The following TRIM67 variants were observed in gnomAD, a reference collection of about 807,000 sequenced individuals.
TRIM67 encodes the protein tripartite motif-containing protein 67.
Under a neutral mutation model 71.0 loss-of-function variants are expected in TRIM67, and 39 were observed. The ratio of observed to expected loss-of-function variants is 0.55; its 90% CI spans 0.43 to 0.72. The LOEUF is 0.72. Among genes scored for constraint, TRIM67 ranks in the 30% least tolerant of loss-of-function variants. The probability of loss-of-function intolerance (pLI) is 0.00; values close to 1 mark genes in which losing one functional copy is unlikely to be tolerated. For missense variants in TRIM67, 973 were observed against 1,079.2 expected (o/e 0.90, Z 1.38); for synonymous variants, 481 against 473.9 (o/e 1.01, Z -0.19).
intron 1 of TRIM67, among the ~76,000 whole-genome samples, chr1:231,168,438 A>T (rs1682537898): frequency 1.3e-5 from 2 of 152,356 alleles, no homozygotes; most frequent in South Asian, 4.1e-4. Context: ...TCCTCAGGTT[A>T]CATTTCTAGA....
Position 231,208,996 on chromosome 1 carries a change from A to G in TRIM67, c.1869A>G (p.Leu623=). ...ACTCTGGGCATCGGGACATCATTTTATCCAATGACAACCAGACAGCCACCT... is the reference window on the plus strand; with the variant it reads ...ACTCTGGGCATCGGGACATCATTTTGTCCAATGACAACCAGACAGCCACCT... ...DPNSGHRDII[L]SNDNQTATCS... is the part of the protein sequence containing the mutation. Residue 623 remains leucine (L), a synonymous_variant, in exon 8 of 10, where the codon TTA becomes TTG. Transcript: ENST00000366653. 6.2e-7 allele frequency: 1 copy of G among 1,610,330 alleles called. No individual in the cohort carries two copies. The highest frequency in any genetic ancestry group is 2.2e-5 in the East Asian group (1 of 44,752).
At chr1:231,182,967 G>A (rs1376831188) in intron 1 of TRIM67, among the ~76,000 whole-genome samples, 2 of 152,152 alleles carry the variant, frequency 1.3e-5, no homozygotes, top group Non-Finnish European at 2.9e-5. Context: ...AAATTTGGTT[G>A]GTGGCTCTGA....
intron 1 of TRIM67, among the ~76,000 whole-genome samples, chr1:231,171,656 A>C (rs1002017234): frequency 6.6e-6 from 1 of 152,188 alleles, no homozygotes. Flanking sequence ...TCTTGATGTG[A>C]AACTGAGGGT....
intron 5 of TRIM67, among the ~76,000 whole-genome samples, chr1:231,203,180 C>T (rs894757055): frequency 1.3e-5 from 2 of 152,180 alleles, no homozygotes; most frequent in African/African-American, 2.4e-5. Flanking sequence ...TGGACTCTAT[C>T]GATTTCTAAA....
chr1:231,215,841 CT>C lies in TRIM67; in HGVS notation c.*402del. 9.9e-7 allele frequency: 1 copy of C among 1,011,164 alleles called. No homozygotes were observed. The highest frequency in any genetic ancestry group is 4.6e-5 in the South Asian group (1 of 21,666). The allele number at this position is 1,011,164 out of a possible 1,614,324, so 62.6% of individuals were successfully genotyped here. A position where few individuals can be genotyped will look rare whatever the true frequency, so the allele number is the denominator to read the frequency against. On this transcript the variant is annotated 3_prime_UTR_variant, in exon 10 of 10. Transcript: ENST00000366653. ...GCCTCCTGAGAGCGGCAGTCAGGAG[CT>C]GCGCTGTAATCCCACGCCCCGGGTG...
At position 231,213,881 on chromosome 1, in the gene TRIM67, C is replaced by A; in HGVS notation, c.2190C>A (p.Leu730=). The A allele has an allele frequency of 6.8e-6, 11 of 1,613,796 alleles. No homozygotes were observed. Among genetic ancestry groups the A allele is most frequent in the Non-Finnish European group, 9.3e-6 (11 of 1,179,768 alleles). The change falls in exon 9 of 10, where the codon CTC becomes CTA. Residue 730 remains leucine, a synonymous_variant. Coordinates refer to ENST00000366653, the MANE Select transcript of TRIM67 (RefSeq NM_001004342.5). ...TGCTGGACCTGAATAAGCACACTCT[C>A]ACCTTCTTCATCAACGGGCAGCAGC... is the stretch of plus-strand genomic sequence containing the variant. The part of the protein sequence containing the change: ...GVLLDLNKHT[L]TFFINGQQQG...
intron 1 of TRIM67, among the ~76,000 whole-genome samples, chr1:231,165,249 T>G (rs1682421421): frequency 6.6e-6 from 1 of 152,196 alleles, no homozygotes; most frequent in African/African-American, 2.4e-5. Flanking sequence ...ATGTCAACAG[T>G]GCTCTGGAGA....
At chr1:231,174,152 CTTTTTTT>C (rs35651112) in intron 1 of TRIM67, among the ~76,000 whole-genome samples, 2 of 127,354 alleles carry the variant, frequency 1.6e-5, no homozygotes, top group African/African-American at 2.9e-5. Context: ...GTCTTATTTT[CTTTTTTT>C]TTTTTTTTTT....
chr1:231,212,807 C>G (rs1002734088), intron 8 of TRIM67, among the ~76,000 whole-genome samples: 5 of 152,162 alleles, frequency 3.3e-5, no homozygotes, highest in Admixed American at 6.5e-5. Context: ...CCCTTGGGAG[C>G]ATGTTCCTTA....
intron 2 of TRIM67, 62 bp from the exon 3 acceptor site, chr1:231,198,985 A>T (rs1373109509): frequency 6.2e-7 from 1 of 1,610,240 alleles, no homozygotes; most frequent in Non-Finnish European, 8.5e-7. Flanking sequence ...CACTCACCAG[A>T]TTTTAGCATC....
rs1558311714 is a variant in TRIM67, at chr1:231,218,792, G to C, written c.*3352G>C. 2.0e-6 allele frequency: 2 copies of C among 985,448 alleles called. No individual in the cohort carries two copies. The highest frequency in any genetic ancestry group is 4.7e-5 in the South Asian group (1 of 21,292). The allele number at this position is 985,448 out of a possible 1,614,324, so 61.0% of individuals were successfully genotyped here. On this transcript the variant is annotated 3_prime_UTR_variant, in exon 10 of 10. Coordinates refer to ENST00000366653, the MANE Select transcript of TRIM67 (RefSeq NM_001004342.5). Reference sequence around the variant, plus strand: ...AGTTTGAGGAGGGTGGTGCTTTCCGGATTGAGCCTGGGCAGGCTCTGTGGA... The same window carrying C: ...AGTTTGAGGAGGGTGGTGCTTTCCGCATTGAGCCTGGGCAGGCTCTGTGGA...
intron 1 of TRIM67, among the ~76,000 whole-genome samples, chr1:231,169,094 A>G (rs1682555043): frequency 6.6e-6 from 1 of 152,072 alleles, no homozygotes; most frequent in Non-Finnish European, 1.5e-5. Context: ...GTCTTGCTCT[A>G]TTACCCAGGG....
At chr1:231,212,741 G>C (rs1683907720) in intron 8 of TRIM67, among the ~76,000 whole-genome samples, 1 of 152,130 alleles carries the variant, frequency 6.6e-6, no homozygotes, top group Admixed American at 6.5e-5. Context: ...CTCAAGGAAG[G>C]GAAGGAGAGT....
At chr1:231,164,150 A>C (rs1331619589) in intron 1 of TRIM67, 137 bp downstream of exon 1, 1 of 1,119,316 alleles carries the variant, frequency 8.9e-7, no homozygotes, top group Non-Finnish European at 1.2e-6. Flanking sequence ...TTAGCCATTC[A>C]TTCCATCAGA....
At chr1:231,166,722 A>G (rs950909016) in intron 1 of TRIM67, among the ~76,000 whole-genome samples, 6 of 152,226 alleles carry the variant, frequency 3.9e-5, no homozygotes, top group Admixed American at 2.6e-4. Context: ...AGTGATTCTT[A>G]AGTAAAGAGA....
intron 1 of TRIM67, among the ~76,000 whole-genome samples, chr1:231,191,117 G>C (rs1281122123): frequency 6.6e-6 from 1 of 152,200 alleles, no homozygotes; most frequent in African/African-American, 2.4e-5. Flanking sequence ...AGGCTGGAGT[G>C]CAGTGGTACA....
chr1:231,168,205 G>T (rs1269797205), intron 1 of TRIM67, among the ~76,000 whole-genome samples: 1 of 152,020 alleles, frequency 6.6e-6, no homozygotes, highest in Non-Finnish European at 1.5e-5. Context: ...CTGGCCTCAA[G>T]CAATCCTCCT....
intron 7 of TRIM67, 120 bp from the exon 8 acceptor site, chr1:231,208,827 C>A: frequency 1.1e-6 from 1 of 930,818 alleles, no homozygotes; most frequent in Non-Finnish European, 1.7e-6. Context: ...AGGAAAGACC[C>A]TTCACTTCTG....
chr1:231,193,143 C>T (rs10864673), intron 1 of TRIM67, among the ~76,000 whole-genome samples: 4 of 152,050 alleles, frequency 2.6e-5, no homozygotes, highest in Non-Finnish European at 5.9e-5. Flanking sequence ...AGGTGCTAGC[C>T]GCAGTGATGA....
Sources: allele counts gnomAD v4.1 joint callset (sites outside exome capture counted in the v4.1 genomes callset), GRCh38; gene constraint gnomAD v4.1.1; transcripts MANE v1.5; gene names NCBI Gene and HGNC (gene_info 2026-07-23, HGNC 2026-07-21).